The following SHB variants were observed in gnomAD, a reference collection of about 807,000 sequenced individuals.
SHB encodes the protein SH2 domain-containing adapter protein B.
SHB carries 20 observed loss-of-function variants against 52.3 expected under a neutral mutation model. The observed-to-expected ratio is 0.38, with a 90% confidence interval of 0.27 to 0.56. SHB has a LOEUF of 0.56. Among genes scored for constraint, SHB ranks in the 20% least tolerant of loss-of-function variants. The probability of loss-of-function intolerance (pLI) is 0.71; values close to 1 mark genes in which losing one functional copy is unlikely to be tolerated. For missense variants in SHB, 825 were observed against 723.3 expected, an observed-to-expected ratio of 1.14 and a Z score of -1.61; for synonymous variants, 397 against 316.5, an observed-to-expected ratio of 1.25 and a Z score of -2.70.
intron 2 of SHB, among the ~76,000 whole-genome samples, chr9:38,007,979 C>T (rs1044105761): frequency 6.6e-6 from 1 of 152,176 alleles, no homozygotes; most frequent in African/African-American, 2.4e-5. Flanking sequence ...TGTACCACTC[C>T]TTCTTCTGTG....
intron 3 of SHB, among the ~76,000 whole-genome samples, chr9:37,964,325 G>A (rs1024360356): frequency 1.3e-5 from 2 of 152,194 alleles, no homozygotes; most frequent in Non-Finnish European, 2.9e-5. Context: ...CAGGAACGCC[G>A]TACACACATG....
intron 5 of SHB, among the ~76,000 whole-genome samples, chr9:37,933,142 C>A (rs1292587856): frequency 6.6e-6 from 1 of 152,186 alleles, no homozygotes; most frequent in African/African-American, 2.4e-5. Context: ...CACCCAGAAA[C>A]CCTGCCAAGG....
intron 2 of SHB, among the ~76,000 whole-genome samples, chr9:37,982,639 GA>G (rs59152380): frequency 3.4e-5 from 5 of 148,922 alleles, no homozygotes; most frequent in African/African-American, 1.2e-4. Context: ...AAAAACAGAA[GA>G]AAAAAAAAAT....
At position 37,946,736 on chromosome 9, in the gene SHB, GAGGCCCCTCCAGGCC is replaced by G; in HGVS notation, c.1346+1884_1346+1898del. 1.3e-5 allele frequency among the ~76,000 whole-genome samples: 2 copies of G among 152,164 alleles called. 1 individual carries two copies. Among genetic ancestry groups the G allele is most frequent in the East Asian group, 3.8e-4 (2 of 5,196 alleles). On this transcript the variant is annotated intron_variant, in intron 5 of 5. Coordinates refer to ENST00000377707, the MANE Select transcript of SHB (RefSeq NM_003028.3). ...TCCTGTCCTCCCTGATCCTTTCGTG[GAGGCCCCTCCAGGCC>G]AGGCCCCCAGCCACGGGGATTCCAG...
chr9:38,001,884 G>C (rs1257345384), intron 2 of SHB, among the ~76,000 whole-genome samples: 1 of 152,230 alleles, frequency 6.6e-6, no homozygotes, highest in Non-Finnish European at 1.5e-5. Context: ...GGAGAGAAGA[G>C]AAAAGGCCAT....
At chr9:37,935,413 C>G (rs553853942) in intron 5 of SHB, among the ~76,000 whole-genome samples, 2 of 152,146 alleles carry the variant, frequency 1.3e-5, no homozygotes, top group Non-Finnish European at 2.9e-5. Flanking sequence ...GACGGGCACA[C>G]GGCTTGCTCT....
At chr9:37,982,242 T>C (rs917496409) in intron 2 of SHB, among the ~76,000 whole-genome samples, 1 of 152,050 alleles carries the variant, frequency 6.6e-6, no homozygotes, top group South Asian at 2.1e-4. Flanking sequence ...CCTGTACTCC[T>C]AGCGCTTTGG....
chr9:37,995,187 C>T (rs1464335227), intron 2 of SHB, among the ~76,000 whole-genome samples: 1 of 152,124 alleles, frequency 6.6e-6, no homozygotes, highest in African/African-American at 2.4e-5. Flanking sequence ...ACCACACAGA[C>T]ACGCACTTCA....
At chr9:37,967,147 G>A (rs1820535971) in intron 3 of SHB, among the ~76,000 whole-genome samples, 1 of 152,192 alleles carries the variant, frequency 6.6e-6, no homozygotes, top group African/African-American at 2.4e-5. Context: ...ACAATGAAGT[G>A]AACCCTACCT....
chr9:37,967,928 T>A (rs1820548378), intron 3 of SHB, among the ~76,000 whole-genome samples: 1 of 152,206 alleles, frequency 6.6e-6, no homozygotes, highest in South Asian at 2.1e-4. Context: ...CGGGAGGGAC[T>A]GAGTAAAGAA....
intron 2 of SHB, among the ~76,000 whole-genome samples, chr9:37,982,922 G>C (rs372470228): frequency 7.2e-5 from 11 of 151,982 alleles, no homozygotes; most frequent in East Asian, 3.9e-4. Context: ...AAAAGGCCTG[G>C]GTTTGCTCGC....
chr9:38,038,990 C>A (rs1249652382), intron 1 of SHB, among the ~76,000 whole-genome samples: 1 of 152,198 alleles, frequency 6.6e-6, no homozygotes, highest in Non-Finnish European at 1.5e-5. Context: ...AGACTGTCAG[C>A]CGTGAAGAAA....
chr9:38,041,866 C>G (rs997892322), intron 1 of SHB, among the ~76,000 whole-genome samples: 1 of 152,216 alleles, frequency 6.6e-6, no homozygotes, highest in Non-Finnish European at 1.5e-5. Context: ...GAAGTCGGCT[C>G]TCAAACATAC....
At chr9:38,014,166 C>A (rs1236399069) in intron 2 of SHB, among the ~76,000 whole-genome samples, 1 of 152,034 alleles carries the variant, frequency 6.6e-6, no homozygotes, top group East Asian at 1.9e-4. Flanking sequence ...CCCGCCCCAA[C>A]CTCAGTTTCC....
chr9:38,005,031 AC>A (rs1258919377), intron 2 of SHB, among the ~76,000 whole-genome samples: 8 of 152,212 alleles, frequency 5.3e-5, no homozygotes, highest in Non-Finnish European at 1.2e-4. Context: ...AAAACCTCAA[AC>A]ACAGGGCACC....
intron 1 of SHB, among the ~76,000 whole-genome samples, chr9:38,027,476 T>A (rs1310033093): frequency 1.3e-5 from 2 of 152,104 alleles, no homozygotes; most frequent in Non-Finnish European, 2.9e-5. Flanking sequence ...CCATGCCTTT[T>A]AGTCTGGGGA....
intron 5 of SHB, among the ~76,000 whole-genome samples, chr9:37,937,793 G>C (rs1376632776): frequency 1.3e-5 from 2 of 152,168 alleles, no homozygotes; most frequent in South Asian, 2.1e-4. Flanking sequence ...GTGCTTACGG[G>C]GCTCCAAAGG....
intron 3 of SHB, among the ~76,000 whole-genome samples, chr9:37,961,031 C>T (rs1304293812): frequency 6.6e-6 from 1 of 152,198 alleles, no homozygotes; most frequent in Non-Finnish European, 1.5e-5. Flanking sequence ...GCACTTCCTA[C>T]TTCTAGGCCT....
chr9:37,939,561 C>T (rs1832413465), intron 5 of SHB, among the ~76,000 whole-genome samples: 1 of 152,194 alleles, frequency 6.6e-6, no homozygotes, highest in Non-Finnish European at 1.5e-5. Flanking sequence ...CATGTCACCA[C>T]TGCCTGGGGA....
Sources: allele counts gnomAD v4.1 joint callset (sites outside exome capture counted in the v4.1 genomes callset), GRCh38; gene constraint gnomAD v4.1.1; transcripts MANE v1.5; gene names NCBI Gene and HGNC (gene_info 2026-07-23, HGNC 2026-07-21).